NCAM1: variants seen among roughly 807,000 people sequenced by gnomAD.
NCAM1 encodes antigen recognized by monoclonal antibody 5.1H11.
A neutral mutation model predicts 109.8 loss-of-function variants in NCAM1; 14 were observed. The observed-to-expected ratio is 0.13, with a 90% CI of 0.08 to 0.20. The LOEUF (loss-of-function observed/expected upper bound fraction) is 0.20. Ranked by LOEUF, NCAM1 falls within the 10% of genes least tolerant of loss-of-function variation. The probability of loss-of-function intolerance (pLI) is 1.00; values close to 1 mark genes in which losing one functional copy is unlikely to be tolerated. For synonymous variants in NCAM1, 418 were observed against 442.9 expected (o/e 0.94, Z 0.70); for missense variants, 774 against 1,109.9 (o/e 0.70, Z 4.30).
intron 1 of NCAM1, among the ~76,000 whole-genome samples, chr11:112,984,379 G>T (rs564124935): frequency 6.6e-6 from 1 of 151,914 alleles, no homozygotes; most frequent in Admixed American, 6.6e-5. Context: ...TCATGAGGTG[G>T]TGATTTCATT....
At chr11:113,245,444 CA>C (rs1481005877) in intron 14 of NCAM1, among the ~76,000 whole-genome samples, 5 of 152,146 alleles carry the variant, frequency 3.3e-5, no homozygotes, top group African/African-American at 1.2e-4. Flanking sequence ...CGTTTCAAAA[CA>C]AAAAACTTTA....
chr11:113,226,095 A>G (rs1256676603), intron 9 of NCAM1, among the ~76,000 whole-genome samples: 1 of 152,254 alleles, frequency 6.6e-6, no homozygotes, highest in Non-Finnish European at 1.5e-5. Context: ...TAAACCTTAA[A>G]TGTAAATGGG....
At chr11:113,237,241 A>G (rs1402862730) in intron 14 of NCAM1, among the ~76,000 whole-genome samples, 6 of 152,194 alleles carry the variant, frequency 3.9e-5, no homozygotes, top group East Asian at 1.9e-4. Flanking sequence ...GCTGAACCAG[A>G]ATAGCGGAGG....
chr11:112,994,818 C>T (rs1951550726), intron 1 of NCAM1, among the ~76,000 whole-genome samples: 1 of 152,126 alleles, frequency 6.6e-6, no homozygotes, highest in Non-Finnish European at 1.5e-5. Context: ...CTATTTTGTA[C>T]CTGCTTTTGT....
chr11:113,271,944 C>G lies in NCAM1; in HGVS notation c.2456+68C>G, dbSNP rs1330903423. ...CCCACACCCACCTCCCCACCCTACCCCCACCTCCCGTGCCCCTACCCACAG... is the reference window on the plus strand; with the variant it reads ...CCCACACCCACCTCCCCACCCTACCGCCACCTCCCGTGCCCCTACCCACAG... On this transcript the variant is annotated intron_variant, in intron 19 of 19. Transcript: ENST00000316851. 3 of 1,251,424 alleles carry G rather than the reference C, an allele frequency of 2.4e-6. No homozygotes were observed. The African/African-American group carries it at 4.5e-5, about 19-fold the overall frequency. The allele number at this position is 1,251,424 out of a possible 1,614,324, so 77.5% of individuals were successfully genotyped here. A position where few individuals can be genotyped will look rare whatever the true frequency, so the allele number is the denominator to read the frequency against.
intron 1 of NCAM1, among the ~76,000 whole-genome samples, chr11:113,088,036 G>A (rs374929478): frequency 2.6e-5 from 4 of 152,212 alleles, no homozygotes; most frequent in Non-Finnish European, 5.9e-5. Flanking sequence ...AAGTGGTAGC[G>A]TCATTCTAAT....
chr11:113,055,020 C>T (rs1352625462), intron 1 of NCAM1, among the ~76,000 whole-genome samples: 1 of 152,208 alleles, frequency 6.6e-6, no homozygotes, highest in Non-Finnish European at 1.5e-5. Context: ...CTGCTGTTTG[C>T]TGAAGACATG....
Position 113,271,895 on chromosome 11 carries a change from G to A in NCAM1, c.2456+19G>A. ...AGCCCGAGTACGTGGGCTGGGAGGGGCTGGCACCTGCTCCGTAGAGACCCC... is the reference window on the plus strand; with the variant it reads ...AGCCCGAGTACGTGGGCTGGGAGGGACTGGCACCTGCTCCGTAGAGACCCC... On this transcript the variant is annotated intron_variant, in intron 19 of 19. Coordinates refer to ENST00000316851, the MANE Select transcript of NCAM1 (RefSeq NM_181351.5). 4 of 1,539,582 alleles carry A rather than the reference G, an allele frequency of 2.6e-6. No homozygotes were observed. Among genetic ancestry groups the A allele is most frequent in the South Asian group, 1.2e-5 (1 of 83,596 alleles).
chr11:113,181,455 G>A (rs112692640), intron 1 of NCAM1, among the ~76,000 whole-genome samples: 11 of 152,266 alleles, frequency 7.2e-5, no homozygotes, highest in African/African-American at 2.6e-4. Flanking sequence ...TTATAAGTGG[G>A]AGCTGAACAG....
chr11:113,197,685 T>C (rs996839307), intron 1 of NCAM1, among the ~76,000 whole-genome samples: 5 of 152,218 alleles, frequency 3.3e-5, no homozygotes, highest in African/African-American at 1.2e-4. Context: ...GTATTTTCAA[T>C]TAGCCACGGG....
chr11:113,026,137 T>G (rs1555077268), intron 1 of NCAM1, among the ~76,000 whole-genome samples: 1 of 152,128 alleles, frequency 6.6e-6, no homozygotes, highest in East Asian at 1.9e-4. Context: ...GAATTACAAA[T>G]TAATTTGAAA....
intron 1 of NCAM1, among the ~76,000 whole-genome samples, chr11:113,134,401 G>A (rs1486935112): frequency 6.6e-6 from 1 of 151,964 alleles, no homozygotes; most frequent in Non-Finnish European, 1.5e-5. Context: ...TGGACATCTG[G>A]GCTGCTTTCA....
At chr11:113,250,505 A>G (rs925975590) in intron 15 of NCAM1, among the ~76,000 whole-genome samples, 1 of 152,244 alleles carries the variant, frequency 6.6e-6, no homozygotes, top group Non-Finnish European at 1.5e-5. Context: ...TCATATTTGA[A>G]TAGCTAAATC....
chr11:113,167,876 G>A lies in NCAM1; in HGVS notation c.53-34503G>A, dbSNP rs538836089. Among the ~76,000 whole-genome samples, 28 of 152,298 alleles carry A rather than the reference G, an allele frequency of 1.8e-4. No homozygotes were observed. The South Asian group carries it at 5.8e-3, about 32-fold the overall frequency. Reference sequence around the variant, plus strand: ...GCAAGCGAGATGGCGGTTGGGCAGGGTGTATTACTGTTGTTGTTGTTTTTG... The same window carrying A: ...GCAAGCGAGATGGCGGTTGGGCAGGATGTATTACTGTTGTTGTTGTTTTTG... On this transcript the variant is annotated intron_variant, in intron 1 of 19. Transcript: ENST00000316851.
At position 113,207,375 on chromosome 11, in the gene NCAM1, C is replaced by T; in HGVS notation, c.743C>T (p.Thr248Ile). The change falls in exon 6 of 20, where the codon ACA (threonine) becomes ATA (isoleucine). Residue 248 changes from threonine to isoleucine, a missense_variant. Thr to Ile is a moderately conservative substitution (Grantham distance 89). Around this residue, in one of 4 missense-constraint regions of NCAM1, gnomAD observed 523 missense variants for 784.2 expected, o/e 0.67. Coordinates refer to ENST00000316851, the MANE Select transcript of NCAM1 (RefSeq NM_181351.5). ...TTCCCAGAGCCCACCATGAGCTGGACAAAGTAAGAAACTGGCTCATACCTT... is the reference window on the plus strand; with the variant it reads ...TTCCCAGAGCCCACCATGAGCTGGATAAAGTAAGAAACTGGCTCATACCTT... ...EGFPEPTMSW[T>I]KDGEQIEQEE... is the part of the protein sequence containing the mutation. The T allele has an allele frequency of 1.2e-6, 2 of 1,611,806 alleles. No homozygotes were observed. Among genetic ancestry groups the T allele is most frequent in the Non-Finnish European group, 1.7e-6 (2 of 1,177,920 alleles).
At chr11:113,237,730 G>GC (rs1289774128) in intron 14 of NCAM1, among the ~76,000 whole-genome samples, 2 of 152,090 alleles carry the variant, frequency 1.3e-5, no homozygotes, top group Admixed American at 6.6e-5. Flanking sequence ...CTGGGATGAG[G>GC]CCCCCCTCTG....
chr11:113,097,541 A>G (rs1301019798), intron 1 of NCAM1, among the ~76,000 whole-genome samples: 2 of 151,718 alleles, frequency 1.3e-5, no homozygotes, highest in Non-Finnish European at 2.9e-5. Context: ...CTGTAGGATG[A>G]CTGCCAGCTT....
At chr11:113,235,441 A>G (rs1167627601) in intron 14 of NCAM1, 32 of 696,580 alleles carry the variant, frequency 4.6e-5, no homozygotes, top group Non-Finnish European at 5.2e-6. Flanking sequence ...CCAACACATT[A>G]TTAAAGGAAG....
At chr11:113,185,125 G>C (rs1555108671) in intron 1 of NCAM1, among the ~76,000 whole-genome samples, 1 of 144,762 alleles carries the variant, frequency 6.9e-6, no homozygotes, top group Non-Finnish European at 1.5e-5. Flanking sequence ...TTTATTATAA[G>C]GAATTGGCTT....
Sources: gnomAD v4.1 joint callset for allele counts (sites outside exome capture counted in the v4.1 genomes callset) on GRCh38, gnomAD v4.1.1 for gene constraint, gnomAD v4.1.1 regional missense constraint, MANE v1.5 for transcripts, NCBI Gene and HGNC (gene_info 2026-07-23, HGNC 2026-07-21) for gene names.